The following OR10J1 variants were observed in gnomAD, a reference collection of about 807,000 sequenced individuals.
OR10J1 encodes the protein olfactory receptor 10J1.
For synonymous variants in OR10J1, 202 were observed against 143.8 expected, an observed-to-expected ratio of 1.40 and a Z score of -2.89; for missense variants, 474 against 376.6, an observed-to-expected ratio of 1.26 and a Z score of -2.14.
the OR10J1 span, among the ~76,000 whole-genome samples, chr1:159,424,645 A>C: frequency 5.9e-5 from 9 of 152,018 alleles, no homozygotes; most frequent in East Asian, 1.5e-3. Flanking sequence ...TCTTTCAATG[A>C]TACATTAACA....
At chr1:159,403,201 G>A in the OR10J1 span, among the ~76,000 whole-genome samples, 2 of 151,950 alleles carry the variant, frequency 1.3e-5, no homozygotes, top group Non-Finnish European at 2.9e-5. Context: ...TTATTAACCT[G>A]GGCAAAAATT....
upstream of OR10J1, among the ~76,000 whole-genome samples, chr1:159,433,792 G>T (rs55893685): frequency 1.3e-5 from 2 of 152,048 alleles, no homozygotes; most frequent in African/African-American, 2.4e-5. Flanking sequence ...ATGTCTATGG[G>T]GCAATTATTC....
chr1:159,439,789 T>A lies in OR10J1; in HGVS notation c.-3T>A, dbSNP rs1655852574. ...TTTATGTTTCAGATTTGGGAACCAATCCATGAAAAGAGAGAACTTTACTCT... is the reference window on the plus strand; with the variant it reads ...TTTATGTTTCAGATTTGGGAACCAAACCATGAAAAGAGAGAACTTTACTCT... On this transcript the variant is annotated 5_prime_UTR_variant, in exon 1 of 1. Coordinates refer to ENST00000423932, the MANE Select transcript of OR10J1 (RefSeq NM_012351.3). The A allele has an allele frequency of 3.7e-6, 6 of 1,613,824 alleles. No individual in the cohort carries two copies. The highest frequency in any genetic ancestry group is 3.4e-6 in the Non-Finnish European group (4 of 1,179,854).
At chr1:159,418,719 AG>A in the OR10J1 span, among the ~76,000 whole-genome samples, 2 of 152,326 alleles carry the variant, frequency 1.3e-5, no homozygotes, top group South Asian at 4.1e-4. Flanking sequence ...ACTGTCCTCC[AG>A]ACCTCAGAAT....
At chr1:159,424,287 G>T in the OR10J1 span, among the ~76,000 whole-genome samples, 1 of 150,542 alleles carries the variant, frequency 6.6e-6, no homozygotes, top group Non-Finnish European at 1.5e-5. Flanking sequence ...TAGAGATAAT[G>T]CATTAAAGAG....
upstream of OR10J1, chr1:159,433,182 A>C (rs1208422768): frequency 2.5e-6 from 1 of 398,270 alleles, no homozygotes. Context: ...GAGTTTGATG[A>C]GGTGTCACAG....
At chr1:159,407,553 A>G in the OR10J1 span, among the ~76,000 whole-genome samples, 3 of 152,160 alleles carry the variant, frequency 2.0e-5, no homozygotes, top group East Asian at 1.9e-4. Context: ...GTGTTTAACC[A>G]GGAAGAATTC....
chr1:159,431,365 G>A, the OR10J1 span, among the ~76,000 whole-genome samples: 1 of 152,210 alleles, frequency 6.6e-6, no homozygotes, highest in Non-Finnish European at 1.5e-5. Context: ...GTTTTGAGGA[G>A]AGGGACTCCA....
At chr1:159,415,634 G>A in the OR10J1 span, among the ~76,000 whole-genome samples, 1 of 151,868 alleles carries the variant, frequency 6.6e-6, no homozygotes, top group African/African-American at 2.4e-5. Context: ...AATGGAGATT[G>A]CATTGGATCT....
chr1:159,428,287 G>GA, the OR10J1 span, among the ~76,000 whole-genome samples: 449 of 152,090 alleles, frequency 3.0e-3, 3 homozygotes, highest in African/African-American at 0.01. Context: ...TCCTTTGTCA[G>GA]AAAAAAACCT....
chr1:159,428,733 G>C, the OR10J1 span, among the ~76,000 whole-genome samples: 1 of 152,134 alleles, frequency 6.6e-6, no homozygotes, highest in Non-Finnish European at 1.5e-5. Context: ...AGTACTTCCA[G>C]TTTCTGTTGG....
the OR10J1 span, among the ~76,000 whole-genome samples, chr1:159,399,654 A>G: frequency 2.0e-5 from 3 of 152,038 alleles, no homozygotes; most frequent in Non-Finnish European, 4.4e-5. Context: ...TGAGCAATAA[A>G]TAATCACCTG....
chr1:159,406,085 G>A, the OR10J1 span: 47 of 431,230 alleles, frequency 1.1e-4, no homozygotes, highest in Non-Finnish European at 2.0e-4. Context: ...AGCCTTGCAT[G>A]ACAATAAGCT....
At chr1:159,401,097 C>A in the OR10J1 span, among the ~76,000 whole-genome samples, 88 of 150,824 alleles carry the variant, frequency 5.8e-4, no homozygotes, top group African/African-American at 2.1e-3. Flanking sequence ...TGGGATATAG[C>A]AAAAGCAGTA....
the OR10J1 span, among the ~76,000 whole-genome samples, chr1:159,418,309 G>A: frequency 5.9e-5 from 9 of 152,112 alleles, no homozygotes; most frequent in African/African-American, 2.2e-4. Context: ...CAGGCCAGGA[G>A]GCTTAGGAGG....
the OR10J1 span, among the ~76,000 whole-genome samples, chr1:159,406,980 A>G: frequency 2.0e-5 from 3 of 152,106 alleles, no homozygotes; most frequent in Non-Finnish European, 4.4e-5. Flanking sequence ...AATAGTGGCC[A>G]TGTTTTCGGA....
chr1:159,420,229 T>C, the OR10J1 span, among the ~76,000 whole-genome samples: 4 of 152,184 alleles, frequency 2.6e-5, no homozygotes, highest in Admixed American at 1.3e-4. Context: ...GGTAAGATAA[T>C]TTTCATAGGC....
the OR10J1 span, among the ~76,000 whole-genome samples, chr1:159,410,375 A>C: frequency 6.6e-6 from 1 of 152,122 alleles, no homozygotes; most frequent in Admixed American, 6.6e-5. Context: ...ACAATTTCAG[A>C]GCCTGTAATT....
rs1168489176 is a variant in OR10J1 at position 159,439,778 on chromosome 1, T to C, written c.-14T>C. 1 of 1,613,862 alleles carries C rather than the reference T, an allele frequency of 6.2e-7. No homozygotes were observed. The highest frequency in any genetic ancestry group is 1.7e-5 in the Admixed American group (1 of 59,992). On this transcript the variant is annotated 5_prime_UTR_variant, in exon 1 of 1. Coordinates refer to ENST00000423932, the MANE Select transcript of OR10J1 (RefSeq NM_012351.3). The stretch of plus-strand genomic sequence containing the variant: ...ACTTTTATGCTTTTATGTTTCAGAT[T>C]TGGGAACCAATCCATGAAAAGAGAG...
Sources: allele counts gnomAD v4.1 joint callset (sites outside exome capture counted in the v4.1 genomes callset), GRCh38; gene constraint gnomAD v4.1.1; transcripts MANE v1.5; gene names NCBI Gene and HGNC (gene_info 2026-07-23, HGNC 2026-07-21).